EDDM13: variants seen among roughly 807,000 people sequenced by gnomAD.
The protein encoded by EDDM13 is epididymal protein 13.
EDDM13 carries 24 observed loss-of-function variants against 17.8 expected under a neutral mutation model. That is an observed-to-expected ratio of 1.35 (90% CI 0.98 to 1.90). The LOEUF (loss-of-function observed/expected upper bound fraction) is 1.90, where lower values mean the gene tolerates loss of function less well. Among genes scored for constraint, EDDM13 ranks in the 40% most tolerant of loss-of-function variants. The pLI, the probability that EDDM13 is intolerant of heterozygous loss-of-function variation, is 0.00. For missense variants in EDDM13, 97 were observed against 100.8 expected (o/e 0.96, Z 0.16); for synonymous variants, 31 against 37.5 (o/e 0.83, Z 0.63).
At chr19:56,291,926 G>T (rs1297049075) in intron 9 of EDDM13, among the ~76,000 whole-genome samples, 1 of 152,180 alleles carries the variant, frequency 6.6e-6, no homozygotes, top group Non-Finnish European at 1.5e-5. Context: ...CGAGGCACCA[G>T]AGCAGCACTT....
chr19:56,299,393 A>G (rs1217735374), intron 12 of EDDM13, among the ~76,000 whole-genome samples: 2 of 152,048 alleles, frequency 1.3e-5, no homozygotes, highest in Non-Finnish European at 2.9e-5. Flanking sequence ...TCAGATTCCC[A>G]AAGTGCTGGA....
At chr19:56,273,292 ATAGT>A (rs1251704569) in intron 1 of EDDM13, among the ~76,000 whole-genome samples, 1 of 152,208 alleles carries the variant, frequency 6.6e-6, no homozygotes, top group African/African-American at 2.4e-5. Context: ...CAACATTACC[ATAGT>A]TAGATAATTC....
chr19:56,273,099 C>T (rs2037972527), intron 1 of EDDM13, among the ~76,000 whole-genome samples, 180 bp downstream of exon 1: 1 of 152,124 alleles, frequency 6.6e-6, no homozygotes, highest in South Asian at 2.1e-4. Context: ...GTTGCTAGCC[C>T]CTGCCCTTGG....
intron 12 of EDDM13, chr19:56,299,762 T>C (rs527508447): frequency 5.9e-5 from 9 of 152,378 alleles, no homozygotes; most frequent in African/African-American, 2.2e-4. Context: ...ATTGTTTTTA[T>C]TGTTGTATTG....
chr19:56,288,241 C>T (rs558959905), intron 6 of EDDM13, among the ~76,000 whole-genome samples, 144 bp from the exon 7 acceptor site: 25 of 152,316 alleles, frequency 1.6e-4, no homozygotes, highest in African/African-American at 6.0e-4. Context: ...CCATCATGCC[C>T]CTGAGGTGGG....
intron 14 of EDDM13, among the ~76,000 whole-genome samples, chr19:56,305,390 T>C (rs1018235299): frequency 6.6e-6 from 1 of 152,214 alleles, no homozygotes; most frequent in African/African-American, 2.4e-5. Flanking sequence ...TTTCCAAGGT[T>C]CATCATGGTA....
intron 6 of EDDM13, 78 bp downstream of exon 6, chr19:56,285,102 T>G (rs990089514): frequency 1.4e-6 from 1 of 730,584 alleles, no homozygotes; most frequent in African/African-American, 1.9e-5. Context: ...GAGTCATTTA[T>G]GCTTTTAGGT....
chr19:56,293,688 C>A (rs919000255), intron 9 of EDDM13, among the ~76,000 whole-genome samples: 3 of 152,154 alleles, frequency 2.0e-5, no homozygotes, highest in African/African-American at 7.2e-5. Context: ...CAGGATGATT[C>A]CCAATTGGGG....
intron 12 of EDDM13, among the ~76,000 whole-genome samples, chr19:56,299,076 C>A (rs1191036224): frequency 1.3e-5 from 2 of 152,056 alleles, no homozygotes; most frequent in Non-Finnish European, 2.9e-5. Flanking sequence ...TAAAAGAAAA[C>A]AAGCACATTA....
intron 2 of EDDM13, among the ~76,000 whole-genome samples, chr19:56,279,407 G>A (rs116074675): frequency 2.9e-4 from 44 of 152,256 alleles, no homozygotes; most frequent in African/African-American, 1.0e-3. Context: ...CTAAATAAAT[G>A]GAAAGAGCCT....
At position 56,302,581 on chromosome 19, in the gene EDDM13, C is replaced by CTCCCTCCCCTCTT. The variant is rs1555807484; in HGVS notation, c.423+486_423+487insTCCCTCCCCTCTT. On this transcript the variant is annotated intron_variant, in intron 13 of 14. Coordinates refer to ENST00000649256, the MANE Select transcript of EDDM13 (RefSeq NM_001354658.2). Reference sequence around the variant, plus strand: ...CCTCCCCCCTTCCTTTTCTTCCTCCCCCTTTTCTTCCTCTCCCTCTTCTTC... The same window carrying CTCCCTCCCCTCTT: ...CCTCCCCCCTTCCTTTTCTTCCTCCCTCCCTCCCCTCTTCCTTTTCTTCCTCTCCCTCTTCTTC... Among the ~76,000 whole-genome samples, 49 of 40,018 alleles carry CTCCCTCCCCTCTT rather than the reference C, an allele frequency of 1.2e-3. 3 individuals carry two copies. The East Asian group carries it at 0.018, about 15-fold the overall frequency. 26.3% of individuals were successfully genotyped at this position (40,018 alleles called of 152,430 possible). A position where few individuals can be genotyped will look rare whatever the true frequency, so the allele number is the denominator to read the frequency against.
At chr19:56,285,936 G>T (rs900399181) in intron 6 of EDDM13, among the ~76,000 whole-genome samples, 1 of 152,200 alleles carries the variant, frequency 6.6e-6, no homozygotes, top group African/African-American at 2.4e-5. Context: ...AATCTGGACA[G>T]ATGTTTAACA....
chr19:56,305,341 G>A (rs994317360), intron 14 of EDDM13, among the ~76,000 whole-genome samples: 2 of 152,124 alleles, frequency 1.3e-5, no homozygotes, highest in Admixed American at 6.6e-5. Flanking sequence ...CATACACTAC[G>A]TGGCCCTTTG....
At chr19:56,297,598 T>G (rs2039964882) in intron 12 of EDDM13, 67 bp downstream of exon 12, 1 of 887,144 alleles carries the variant, frequency 1.1e-6, no homozygotes, top group African/African-American at 1.8e-5. Context: ...TGGGCTATGA[T>G]AAAGCCTTAG....
intron 1 of EDDM13, among the ~76,000 whole-genome samples, chr19:56,273,448 G>A (rs979346753): frequency 4.6e-5 from 6 of 131,624 alleles, no homozygotes; most frequent in Non-Finnish European, 1.0e-4. Flanking sequence ...CGGGCTTGAT[G>A]CTGGGAATAT....
chr19:56,275,073 T>C (rs1273967529), intron 1 of EDDM13, among the ~76,000 whole-genome samples: 1 of 152,222 alleles, frequency 6.6e-6, no homozygotes, highest in African/African-American at 2.4e-5. Flanking sequence ...GACCACATGA[T>C]GTTGATGTGT....
At chr19:56,292,922 A>C (rs2039614412) in intron 9 of EDDM13, among the ~76,000 whole-genome samples, 1 of 152,094 alleles carries the variant, frequency 6.6e-6, no homozygotes. Context: ...GCTGAGCAAT[A>C]CTCCATTGCA....
intron 4 of EDDM13, chr19:56,282,967 G>C (rs927439762): frequency 1.3e-5 from 2 of 152,204 alleles, no homozygotes; most frequent in African/African-American, 2.4e-5. Flanking sequence ...GCAAGACTCT[G>C]GGGCAGAAGG....
chr19:56,296,744 A>G (rs1203187034), intron 11 of EDDM13, among the ~76,000 whole-genome samples: 1 of 151,956 alleles, frequency 6.6e-6, no homozygotes, highest in African/African-American at 2.4e-5. Flanking sequence ...GGGAAACTTA[A>G]GTTTTTTGGC....
Sources: allele counts gnomAD v4.1 joint callset (sites outside exome capture counted in the v4.1 genomes callset), GRCh38; gene constraint gnomAD v4.1.1; transcripts MANE v1.5; gene names NCBI Gene and HGNC (gene_info 2026-07-23, HGNC 2026-07-21).